Variants in CCSER1 observed in about 807,000 individuals in gnomAD.
CCSER1 encodes serine-rich coiled-coil domain-containing protein 1.
A neutral mutation model predicts 82.0 loss-of-function variants in CCSER1; 41 were observed. The observed-to-expected ratio is 0.50, with a 90% CI of 0.39 to 0.65. CCSER1 has a LOEUF of 0.65. CCSER1 is among the 30% of genes least tolerant of loss of function. The probability of loss-of-function intolerance (pLI) is 0.00; values close to 1 mark genes in which losing one functional copy is unlikely to be tolerated. For synonymous variants in CCSER1, 414 were observed against 383.9 expected, an observed-to-expected ratio of 1.08 and a Z score of -0.92; for missense variants, 1,119 against 1,064.2, an observed-to-expected ratio of 1.05 and a Z score of -0.72.
intron 10 of CCSER1, among the ~76,000 whole-genome samples, chr4:91,556,524 C>T (rs1309731681): frequency 1.3e-5 from 2 of 150,486 alleles, no homozygotes; most frequent in Non-Finnish European, 3.0e-5. Flanking sequence ...TACTCTAAAA[C>T]TTAAAGTATA....
chr4:90,711,376 GA>G (rs750956572), intron 6 of CCSER1, among the ~76,000 whole-genome samples: 7 of 152,202 alleles, frequency 4.6e-5, no homozygotes, highest in Non-Finnish European at 1.0e-4. Flanking sequence ...TGTTGAATAG[GA>G]GCTGTGAGAG....
intron 10 of CCSER1, among the ~76,000 whole-genome samples, chr4:91,216,650 T>G (rs1289717806): frequency 6.6e-6 from 1 of 152,222 alleles, no homozygotes; most frequent in African/African-American, 2.4e-5. Flanking sequence ...TTTTTATGTT[T>G]AAGAGACTTT....
intron 10 of CCSER1, among the ~76,000 whole-genome samples, chr4:91,524,534 C>G (rs1422039421): frequency 6.6e-6 from 1 of 152,032 alleles, no homozygotes; most frequent in Non-Finnish European, 1.5e-5. Flanking sequence ...TGAGTAAAAA[C>G]CTGGTGGTTA....
chr4:90,803,983 T>C (rs1310330707), intron 7 of CCSER1, among the ~76,000 whole-genome samples: 3 of 152,238 alleles, frequency 2.0e-5, no homozygotes, highest in Non-Finnish European at 4.4e-5. Flanking sequence ...TATTTTTTCT[T>C]ATGTCTGTTG....
At chr4:91,167,947 C>A (rs1430621838) in intron 10 of CCSER1, among the ~76,000 whole-genome samples, 2 of 149,326 alleles carry the variant, frequency 1.3e-5, no homozygotes, top group Non-Finnish European at 1.5e-5. Context: ...TCTGCCCGGC[C>A]ACCACCCCGT....
intron 10 of CCSER1, among the ~76,000 whole-genome samples, chr4:91,159,686 A>C (rs1434994024): frequency 6.6e-6 from 1 of 151,948 alleles, no homozygotes; most frequent in Admixed American, 6.6e-5. Context: ...AATTATTTTT[A>C]AAAATTAGAA....
intron 1 of CCSER1, among the ~76,000 whole-genome samples, chr4:90,265,119 T>C (rs992526772): frequency 6.6e-6 from 1 of 151,968 alleles, no homozygotes; most frequent in Non-Finnish European, 1.5e-5. Flanking sequence ...TAGAGTGTGT[T>C]GAAGGGAAGA....
intron 1 of CCSER1, among the ~76,000 whole-genome samples, chr4:90,128,074 C>T (rs1722113391): frequency 6.6e-6 from 1 of 152,082 alleles, no homozygotes; most frequent in Non-Finnish European, 1.5e-5. Context: ...CAGTGCGCCG[C>T]GTGGCCATTT....
In CCSER1 at chr4:91,544,944, G is replaced by A. The variant is rs190179431; in HGVS notation, c.2218-53628G>A. Among the ~76,000 whole-genome samples, 604 of 152,190 alleles carry A rather than the reference G, an allele frequency of 4.0e-3. 3 individuals carry two copies. The highest frequency in any genetic ancestry group is 0.013 in the African/African-American group (558 of 41,534). ...AGGCAGGCAGGCCTCCTTGAGATGC[G>A]GTGGGCTCCATCCAGTTCGAGCTTC... On this transcript the variant is annotated intron_variant, in intron 10 of 10. Transcript: ENST00000509176.
intron 5 of CCSER1, among the ~76,000 whole-genome samples, chr4:90,610,310 T>C (rs1785298742): frequency 6.6e-6 from 1 of 150,952 alleles, no homozygotes; most frequent in Admixed American, 6.6e-5. Flanking sequence ...TAAAATGTGA[T>C]TTCAGTAAGC....
Position 91,312,193 on chromosome 4 carries a change from T to A in CCSER1, c.2217+226199T>A, listed in dbSNP as rs531876720. On this transcript the variant is annotated intron_variant, in intron 10 of 10. Coordinates refer to ENST00000509176, the MANE Select transcript of CCSER1 (RefSeq NM_001145065.2). ...CATAATAATAGTAATATAGGGCTAA[T>A]CATTTAGTATTACTAAAAGAATGAC... Among the ~76,000 whole-genome samples the A allele has an allele frequency of 2.3e-3, 356 of 151,866 alleles. 1 individual carries two copies. The highest frequency in any genetic ancestry group is 8.0e-3 in the African/African-American group (331 of 41,488).
intron 10 of CCSER1, among the ~76,000 whole-genome samples, chr4:91,424,777 A>G (rs1367225744): frequency 3.9e-5 from 6 of 152,156 alleles, no homozygotes; most frequent in Non-Finnish European, 1.5e-5. Context: ...TTATTTTTAC[A>G]GAAGTAAATG....
chr4:90,685,256 A>C (rs373156910), intron 6 of CCSER1, among the ~76,000 whole-genome samples: 6 of 152,052 alleles, frequency 3.9e-5, no homozygotes, highest in African/African-American at 1.4e-4. Flanking sequence ...ACAAGATGGC[A>C]GCAGTGTTTC....
At chr4:90,207,752 C>T (rs1739163024) in intron 1 of CCSER1, among the ~76,000 whole-genome samples, 1 of 152,158 alleles carries the variant, frequency 6.6e-6, no homozygotes, top group Non-Finnish European at 1.5e-5. Context: ...ACAGTCAGGC[C>T]CCTCTGCTGC....
intron 4 of CCSER1, among the ~76,000 whole-genome samples, chr4:90,403,275 G>A (rs181094425): frequency 6.6e-5 from 10 of 151,980 alleles, no homozygotes; most frequent in African/African-American, 1.9e-4. Context: ...TGAGGCGGGT[G>A]GATCACGAGG....
intron 4 of CCSER1, among the ~76,000 whole-genome samples, chr4:90,449,219 T>A (rs1205317517): frequency 2.6e-5 from 4 of 152,054 alleles, no homozygotes; most frequent in Non-Finnish European, 5.9e-5. Context: ...AGACCCACAG[T>A]GGGTATCTCC....
At chr4:90,248,415 G>A (rs911337222) in intron 1 of CCSER1, among the ~76,000 whole-genome samples, 1 of 152,104 alleles carries the variant, frequency 6.6e-6, no homozygotes, top group Non-Finnish European at 1.5e-5. Context: ...TCCTAAGTGG[G>A]TTTTGCTTTG....
chr4:91,358,391 G>GTTT lies in CCSER1; in HGVS notation c.2218-240179_2218-240178insTTT, dbSNP rs34378206. Among the ~76,000 whole-genome samples the GTTT allele has an allele frequency of 8.7e-4, 111 of 127,020 alleles. 17 individuals carry two copies. Among genetic ancestry groups the GTTT allele is most frequent in the African/African-American group, 1.1e-3 (34 of 30,598 alleles). 83.3% of individuals were successfully genotyped at this position (127,020 alleles called of 152,430 possible). A position where few individuals can be genotyped will look rare whatever the true frequency, so the allele number is the denominator to read the frequency against. Reference sequence around the variant, plus strand: ...TGGGCTTACTTTGTGCCTGACCCACGTTGTTTTTTTTTTTTTTTTCCCGAG... The same window carrying GTTT: ...TGGGCTTACTTTGTGCCTGACCCACGTTTTTGTTTTTTTTTTTTTTTTCCCGAG... On this transcript the variant is annotated intron_variant, in intron 10 of 10. Transcript: ENST00000509176.
chr4:90,311,401 AAC>A (rs78081572), intron 2 of CCSER1, among the ~76,000 whole-genome samples: 20,559 of 151,998 alleles, frequency 0.14, 1,601 homozygotes, highest in East Asian at 0.3. Flanking sequence ...GTAACACAAT[AAC>A]ACATTAATTT....
Sources: gnomAD v4.1 joint callset for allele counts (sites outside exome capture counted in the v4.1 genomes callset) on GRCh38, gnomAD v4.1.1 for gene constraint, MANE v1.5 for transcripts, NCBI Gene and HGNC (gene_info 2026-07-23, HGNC 2026-07-21) for gene names.